Variants in CAMK1D observed in about 807,000 individuals in gnomAD.
CAMK1D encodes calcium/calmodulin dependent protein kinase ID, also known as calcium/calmodulin-dependent protein kinase type 1D.
A neutral mutation model predicts 47.7 loss-of-function variants in CAMK1D; 9 were observed. That is an observed-to-expected ratio of 0.19 (90% confidence interval 0.11 to 0.33). The LOEUF is 0.33. Ranked by LOEUF, CAMK1D falls within the 10% of genes least tolerant of loss-of-function variation. CAMK1D has a pLI of 1.00. For missense variants in CAMK1D, 291 were observed against 488.7 expected (o/e 0.60, Z 3.81); for synonymous variants, 184 against 184.9 (o/e 0.99, Z 0.04).
At chr10:12,728,296 A>G (rs1192592488) in intron 3 of CAMK1D, among the ~76,000 whole-genome samples, 1 of 152,228 alleles carries the variant, frequency 6.6e-6, no homozygotes, top group Non-Finnish European at 1.5e-5. Context: ...TGGTGCTAAC[A>G]TCTTGCAGGG....
At chr10:12,461,210 TAGA>T (rs1224392638) in intron 1 of CAMK1D, among the ~76,000 whole-genome samples, 3 of 152,156 alleles carry the variant, frequency 2.0e-5, no homozygotes, top group Non-Finnish European at 4.4e-5. Flanking sequence ...CTCAAGGATG[TAGA>T]AAGGCACCTG....
At position 12,478,538 on chromosome 10, in the gene CAMK1D, C is replaced by T. The variant is rs77031574; in HGVS notation, c.93-74687C>T. On this transcript the variant is annotated intron_variant, in intron 1 of 10. Transcript: ENST00000619168. Reference sequence around the variant, plus strand: ...CCCAGGCTGGTCTCAAACTCCTGGCCCCAACGAGTCCCAGCATTTATAGGC... The same window carrying T: ...CCCAGGCTGGTCTCAAACTCCTGGCTCCAACGAGTCCCAGCATTTATAGGC... Among the ~76,000 whole-genome samples the T allele has an allele frequency of 4.9e-3, 751 of 152,170 alleles. 4 individuals carry two copies. Among genetic ancestry groups the T allele is most frequent in the African/African-American group, 0.017 (719 of 41,524 alleles).
chr10:12,424,763 T>C (rs1054237863), intron 1 of CAMK1D, among the ~76,000 whole-genome samples: 2 of 152,010 alleles, frequency 1.3e-5, no homozygotes, highest in South Asian at 2.1e-4. Context: ...GAGCCATAAT[T>C]GCACCATTGC....
chr10:12,592,016 T>A (rs765424107), intron 2 of CAMK1D, among the ~76,000 whole-genome samples: 44 of 151,458 alleles, frequency 2.9e-4, no homozygotes, highest in Non-Finnish European at 5.3e-4. Context: ...TTTTTTTCCT[T>A]AAAAAAGCCA....
At chr10:12,668,484 G>T (rs1036669284) in intron 3 of CAMK1D, among the ~76,000 whole-genome samples, 1 of 152,124 alleles carries the variant, frequency 6.6e-6, no homozygotes, top group Non-Finnish European at 1.5e-5. Context: ...CTAGCCAGGG[G>T]AACTAGGGCA....
chr10:12,476,012 G>C (rs571646680), intron 1 of CAMK1D, among the ~76,000 whole-genome samples: 1 of 152,214 alleles, frequency 6.6e-6, no homozygotes, highest in Admixed American at 6.5e-5. Context: ...AGAAGTCTAG[G>C]CCGGGTGGGG....
intron 3 of CAMK1D, among the ~76,000 whole-genome samples, chr10:12,670,351 G>A (rs549968535): frequency 8.6e-5 from 13 of 151,890 alleles, no homozygotes; most frequent in South Asian, 4.2e-4. Context: ...CAGATCTTTC[G>A]CTCAATCTTT....
chr10:12,699,682 T>C (rs948541164), intron 3 of CAMK1D, among the ~76,000 whole-genome samples: 37 of 151,936 alleles, frequency 2.4e-4, no homozygotes, highest in Admixed American at 1.3e-4. Flanking sequence ...TTTTTTTCCT[T>C]GCTGATTGAT....
chr10:12,541,163 C>G (rs1836157349), intron 1 of CAMK1D, among the ~76,000 whole-genome samples: 1 of 152,048 alleles, frequency 6.6e-6, no homozygotes, highest in Non-Finnish European at 1.5e-5. Flanking sequence ...CCAGATTGGG[C>G]CTGGCTTTTC....
At chr10:12,577,210 G>A (rs1012692023) in intron 2 of CAMK1D, among the ~76,000 whole-genome samples, 5 of 152,144 alleles carry the variant, frequency 3.3e-5, no homozygotes, top group Non-Finnish European at 4.4e-5. Flanking sequence ...GGAGGTCCCC[G>A]GACACACAGC....
At chr10:12,587,663 T>G (rs760383941) in intron 2 of CAMK1D, among the ~76,000 whole-genome samples, 13 of 152,082 alleles carry the variant, frequency 8.5e-5, no homozygotes, top group Non-Finnish European at 1.6e-4. Flanking sequence ...CTCCTTAGGA[T>G]GTGCAGATGG....
rs552124630 is a variant in CAMK1D, at chr10:12,596,689, CAA to C, written c.224+43335_224+43336del. Among the ~76,000 whole-genome samples, 35 of 152,154 alleles carry C rather than the reference CAA, an allele frequency of 2.3e-4. No homozygotes were observed. In the South Asian group the frequency reaches 7.1e-3, roughly 31 times the overall value. On this transcript the variant is annotated intron_variant, in intron 2 of 10. Transcript: ENST00000619168. ...ATCATGGTTTCTGGGTCCCTACCCT[CAA>C]AGATTTGGATGCCGAAATCCCATGG...
intron 1 of CAMK1D, among the ~76,000 whole-genome samples, chr10:12,399,741 T>C (rs1270782324): frequency 6.6e-6 from 1 of 152,192 alleles, no homozygotes; most frequent in Non-Finnish European, 1.5e-5. Flanking sequence ...TTGTTGGTGA[T>C]TTTGCTGCTT....
At chr10:12,465,479 C>T (rs1464219468) in intron 1 of CAMK1D, among the ~76,000 whole-genome samples, 5 of 152,136 alleles carry the variant, frequency 3.3e-5, no homozygotes, top group African/African-American at 4.8e-5. Flanking sequence ...CTCAGCCTTC[C>T]GAGTAGCTCG....
chr10:12,604,606 A>T (rs934998471), intron 2 of CAMK1D, among the ~76,000 whole-genome samples: 17 of 152,190 alleles, frequency 1.1e-4, no homozygotes, highest in African/African-American at 4.1e-4. Flanking sequence ...TCCCAAGAAT[A>T]GTATTAATTT....
Position 12,764,028 on chromosome 10 carries a change from C to T in CAMK1D, c.438+2942C>T, listed in dbSNP as rs547511879. ...GATACCTGAGCCTGCCTCTCCCCCACCGTCTTCCCTCCTCCCCCAGGAAAA... is the reference window on the plus strand; with the variant it reads ...GATACCTGAGCCTGCCTCTCCCCCATCGTCTTCCCTCCTCCCCCAGGAAAA... On this transcript the variant is annotated intron_variant, in intron 4 of 10. Transcript: ENST00000619168. Among the ~76,000 whole-genome samples the T allele has an allele frequency of 8.5e-5, 13 of 152,222 alleles. No individual in the cohort carries two copies. In the South Asian group the frequency reaches 2.5e-3, roughly 29 times the overall value.
At chr10:12,702,549 C>T (rs1286323685) in intron 3 of CAMK1D, among the ~76,000 whole-genome samples, 1 of 152,210 alleles carries the variant, frequency 6.6e-6, no homozygotes, top group Non-Finnish European at 1.5e-5. Context: ...GCTAACTTTT[C>T]CTATGAAAGC....
At chr10:12,580,847 T>C (rs752874832) in intron 2 of CAMK1D, among the ~76,000 whole-genome samples, 26 of 152,342 alleles carry the variant, frequency 1.7e-4, no homozygotes, top group Admixed American at 7.8e-4. Context: ...ATATTTATTA[T>C]TGTGTTGAAT....
intron 1 of CAMK1D, among the ~76,000 whole-genome samples, chr10:12,489,561 G>T (rs1379802034): frequency 6.6e-6 from 1 of 152,188 alleles, no homozygotes; most frequent in Non-Finnish European, 1.5e-5. Flanking sequence ...CAGGCTCTTG[G>T]GGTGGCCTTG....
Sources: gnomAD v4.1 joint callset for allele counts (sites outside exome capture counted in the v4.1 genomes callset) on GRCh38, gnomAD v4.1.1 for gene constraint, MANE v1.5 for transcripts, NCBI Gene and HGNC (gene_info 2026-07-23, HGNC 2026-07-21) for gene names.